FRAS1: variants seen among roughly 807,000 people sequenced by gnomAD.
FRAS1 encodes Fraser extracellular matrix complex subunit 1, also known as extracellular matrix organizing protein FRAS1.
FRAS1 carries 290 observed loss-of-function variants against 435.2 expected under a neutral mutation model. The observed-to-expected ratio is 0.67, with a 90% CI of 0.61 to 0.73. FRAS1 has a LOEUF of 0.73. FRAS1 is among the 30% of genes least tolerant of loss of function. FRAS1 has a pLI of 0.00. For missense variants in FRAS1, 4,860 were observed against 5,001.5 expected (o/e 0.97, Z 0.85); for synonymous variants, 1,800 against 1,851.0 (o/e 0.97, Z 0.71).
chr4:78,498,925 G>C (rs1720593720), intron 60 of FRAS1, among the ~76,000 whole-genome samples: 1 of 151,970 alleles, frequency 6.6e-6, no homozygotes, highest in African/African-American at 2.4e-5. Flanking sequence ...ATGGCTCACT[G>C]TAGCCTCGAC....
chr4:78,245,833 G>T (rs1725216205), intron 4 of FRAS1, among the ~76,000 whole-genome samples: 1 of 152,090 alleles, frequency 6.6e-6, no homozygotes, highest in Non-Finnish European at 1.5e-5. Flanking sequence ...TAGCAGCCTT[G>T]GCATTTTAAG....
intron 32 of FRAS1, among the ~76,000 whole-genome samples, chr4:78,413,896 G>A (rs1733451344): frequency 6.6e-6 from 1 of 152,156 alleles, no homozygotes; most frequent in South Asian, 2.1e-4. Context: ...GGAGGGGAGA[G>A]GGTGAGTGCT....
chr4:78,325,453 C>T (rs755734255), intron 18 of FRAS1, among the ~76,000 whole-genome samples: 2 of 152,102 alleles, frequency 1.3e-5, no homozygotes, highest in Non-Finnish European at 2.9e-5. Context: ...AGTATGTTAC[C>T]GTTTATGAAG....
At chr4:78,099,963 C>G (rs1017939256) in intron 2 of FRAS1, among the ~76,000 whole-genome samples, 10 of 152,002 alleles carry the variant, frequency 6.6e-5, no homozygotes, top group African/African-American at 2.2e-4. Context: ...AAAGAGGCAG[C>G]CTGAGAAGGA....
chr4:78,078,810 T>G (rs1740773608), intron 2 of FRAS1, among the ~76,000 whole-genome samples: 2 of 152,158 alleles, frequency 1.3e-5, no homozygotes, highest in African/African-American at 4.8e-5. Flanking sequence ...TAAGAAGAAT[T>G]GTTGTTAATA....
chr4:78,532,543 A>G (rs1272738838), intron 70 of FRAS1, among the ~76,000 whole-genome samples: 1 of 151,844 alleles, frequency 6.6e-6, no homozygotes, highest in Admixed American at 6.6e-5. Flanking sequence ...CCTGAAATCT[A>G]CTCTCTTAGG....
At position 78,377,059 on chromosome 4, in the gene FRAS1, G is replaced by A. The variant is rs370596807; in HGVS notation, c.3292+1180G>A. Among the ~76,000 whole-genome samples, 338 of 152,174 alleles carry A rather than the reference G, an allele frequency of 2.2e-3. 1 individual carries two copies. Among genetic ancestry groups the A allele is most frequent in the Non-Finnish European group, 3.8e-3 (260 of 68,004 alleles). On this transcript the variant is annotated intron_variant, in intron 26 of 73. Coordinates refer to ENST00000512123, the MANE Select transcript of FRAS1 (RefSeq NM_025074.7). ...GCCATTCTCTTCCAACACATTAGTGGACACGTTACCTTAAATAACAAAGAG... is the reference window on the plus strand; with the variant it reads ...GCCATTCTCTTCCAACACATTAGTGAACACGTTACCTTAAATAACAAAGAG...
chr4:78,153,646 G>T (rs1720766713), intron 2 of FRAS1, among the ~76,000 whole-genome samples: 1 of 152,038 alleles, frequency 6.6e-6, no homozygotes, highest in South Asian at 2.1e-4. Flanking sequence ...ATGAGGAGGT[G>T]GTATTAATTT....
At chr4:78,462,127 T>C (rs1482076169) in intron 47 of FRAS1, among the ~76,000 whole-genome samples, 1 of 152,184 alleles carries the variant, frequency 6.6e-6, no homozygotes, top group Non-Finnish European at 1.5e-5. Context: ...TCTAGCACTT[T>C]GGGAGGCCGA....
chr4:78,326,125 A>T (rs1015548292), intron 18 of FRAS1, among the ~76,000 whole-genome samples: 6 of 128,880 alleles, frequency 4.7e-5, no homozygotes, highest in African/African-American at 1.9e-4. Flanking sequence ...AGTAGGGAAA[A>T]AATTTGGTCA....
intron 18 of FRAS1, among the ~76,000 whole-genome samples, chr4:78,332,723 T>C (rs1393538560): frequency 6.6e-6 from 1 of 152,252 alleles, no homozygotes; most frequent in Non-Finnish European, 1.5e-5. Flanking sequence ...ACTCTTTCAT[T>C]CATTCTATTT....
chr4:78,469,076 C>T lies in FRAS1; in HGVS notation c.7258-902C>T, dbSNP rs146406976. Reference sequence around the variant, plus strand: ...TCACTCTTGTTTTTTCTCTCCCAAACTGTAGCTGCTCCCCAGTTAGTTTGA... The same window carrying T: ...TCACTCTTGTTTTTTCTCTCCCAAATTGTAGCTGCTCCCCAGTTAGTTTGA... On this transcript the variant is annotated intron_variant, in intron 50 of 73. Transcript: ENST00000512123. 2.3e-3 allele frequency among the ~76,000 whole-genome samples: 352 copies of T among 152,288 alleles called. 1 individual carries two copies. The highest frequency in any genetic ancestry group is 8.2e-3 in the African/African-American group (340 of 41,556).
At chr4:78,148,941 A>C (rs1259013903) in intron 2 of FRAS1, among the ~76,000 whole-genome samples, 1 of 152,226 alleles carries the variant, frequency 6.6e-6, no homozygotes, top group Non-Finnish European at 1.5e-5. Flanking sequence ...TTGGCAGCAG[A>C]AGGACCCCAA....
chr4:78,100,619 G>A (rs1327667571), intron 2 of FRAS1, among the ~76,000 whole-genome samples: 1 of 152,212 alleles, frequency 6.6e-6, no homozygotes, highest in Admixed American at 6.5e-5. Context: ...GAAGGGCCCT[G>A]CCTTTGTTTT....
chr4:78,326,588 C>T lies in FRAS1; in HGVS notation c.2138-6684C>T, dbSNP rs937464126. Among the ~76,000 whole-genome samples the T allele has an allele frequency of 1.3e-5, 2 of 152,062 alleles. 1 individual carries two copies. The highest frequency in any genetic ancestry group is 1.3e-4 in the Admixed American group (2 of 15,250). On this transcript the variant is annotated intron_variant, in intron 18 of 73. Coordinates refer to ENST00000512123, the MANE Select transcript of FRAS1 (RefSeq NM_025074.7). ...AGGAATATGAGATACTTTTGAAACA[C>T]CCAGAAAAGATATCTCCTAGGTAGT... is the stretch of plus-strand genomic sequence containing the variant.
intron 47 of FRAS1, among the ~76,000 whole-genome samples, chr4:78,455,423 G>GGT (rs1560737970): frequency 6.6e-6 from 1 of 151,830 alleles, no homozygotes; most frequent in Non-Finnish European, 1.5e-5. Context: ...GTTGAGGAGG[G>GGT]AGGGGGTTCT....
rs750436970 is a variant in FRAS1, at chr4:78,450,306, A to G, written c.6430A>G (p.Ile2144Val). The change falls in exon 45 of 74, where the codon ATC becomes GTC. Residue 2144 changes from isoleucine to valine, a missense_variant. Transcript: ENST00000512123. ...NLEQISIKGP[I>V]RSFTQADISQ... ...GGAGCAAATTTCTATTAAAGGCCCC[A>G]TCCGAAGTTTCACCCAGGCAGACAT... The G allele has an allele frequency of 2.7e-5, 43 of 1,613,750 alleles. No individual in the cohort carries two copies. The highest frequency in any genetic ancestry group is 3.5e-5 in the Non-Finnish European group (41 of 1,179,818).
rs76691919 is a variant in FRAS1, at chr4:78,170,499, T to C, written c.109-67011T>C. Among the ~76,000 whole-genome samples, 25 of 152,224 alleles carry C rather than the reference T, an allele frequency of 1.6e-4. No homozygotes were observed. In the East Asian group the frequency reaches 4.4e-3, roughly 27 times the overall value. ...CTAATTATTTTCATATACCCTCCAATAGGTTGTAAGCCCCTTAAGTGCTGC... is the reference window on the plus strand; with the variant it reads ...CTAATTATTTTCATATACCCTCCAACAGGTTGTAAGCCCCTTAAGTGCTGC... On this transcript the variant is annotated intron_variant, in intron 2 of 73. Coordinates refer to ENST00000512123, the MANE Select transcript of FRAS1 (RefSeq NM_025074.7).
chr4:78,091,194 T>C (rs1463187598), intron 2 of FRAS1, among the ~76,000 whole-genome samples: 1 of 152,092 alleles, frequency 6.6e-6, no homozygotes, highest in Non-Finnish European at 1.5e-5. Context: ...CCCCACCATC[T>C]AGTCTGTCAC....
Sources: allele counts gnomAD v4.1 joint callset (sites outside exome capture counted in the v4.1 genomes callset), GRCh38; gene constraint gnomAD v4.1.1; transcripts MANE v1.5; gene names NCBI Gene and HGNC (gene_info 2026-07-23, HGNC 2026-07-21).